GLRA2: variants seen among roughly 807,000 people sequenced by gnomAD.
GLRA2 encodes glycine receptor alpha 2.
Under a neutral mutation model 31.6 loss-of-function variants are expected in GLRA2, and 11 were observed. The ratio of observed to expected loss-of-function variants is 0.35; its 90% CI spans 0.22 to 0.58. The LOEUF (loss-of-function observed/expected upper bound fraction) is 0.58. GLRA2 is among the 20% of genes least tolerant of loss of function. The pLI is 0.84. For synonymous variants in GLRA2, 132 were observed against 134.0 expected (o/e 0.99, Z 0.10); for missense variants, 212 against 351.8 (o/e 0.60, Z 3.18).
chrX:14,493,746 C>T, the GLRA2 span, among the ~76,000 whole-genome samples: 3 of 92,485 alleles, frequency 3.2e-5, no homozygotes, highest in South Asian at 8.8e-4. Flanking sequence ...TACATATATA[C>T]GTGTATATGT....
chrX:14,535,372 A>C (rs1275370157), intron 2 of GLRA2, among the ~76,000 whole-genome samples: 1 of 112,105 alleles, frequency 8.9e-6, no homozygotes, highest in Non-Finnish European at 1.9e-5. Flanking sequence ...TGGGCTTTGA[A>C]AGATGTCATA....
intron 7 of GLRA2, among the ~76,000 whole-genome samples, chrX:14,627,291 T>C (rs192470006): frequency 9.0e-6 from 1 of 111,482 alleles, no homozygotes; most frequent in East Asian, 2.8e-4. Context: ...TTTTTATTCA[T>C]ATATTATTTA....
At chrX:14,577,785 A>G (rs1260280407) in intron 3 of GLRA2, among the ~76,000 whole-genome samples, 5 of 111,609 alleles carry the variant, frequency 4.5e-5, no homozygotes, top group Non-Finnish European at 7.5e-5. Context: ...AGAGGACACA[A>G]ACATTCAGTC....
intron 2 of GLRA2, among the ~76,000 whole-genome samples, chrX:14,549,828 T>C (rs1389109374): frequency 9.0e-6 from 1 of 111,311 alleles, no homozygotes; most frequent in Non-Finnish European, 1.9e-5. Flanking sequence ...GTAGAATAAA[T>C]ATAGAAGATG....
the GLRA2 span, among the ~76,000 whole-genome samples, chrX:14,466,438 A>G: frequency 1.8e-5 from 2 of 111,771 alleles, no homozygotes; most frequent in South Asian, 3.7e-4. Context: ...TCCTAATTCT[A>G]TAAATTGGCC....
intron 2 of GLRA2, among the ~76,000 whole-genome samples, chrX:14,559,565 C>T (rs370137840): frequency 2.8e-5 from 3 of 106,493 alleles, no homozygotes; most frequent in African/African-American, 6.9e-5. Context: ...TACAGGCGCC[C>T]GCCACCACGC....
chrX:14,515,675 C>A, the GLRA2 span, among the ~76,000 whole-genome samples: 2 of 111,672 alleles, frequency 1.8e-5, no homozygotes, highest in Non-Finnish European at 3.8e-5. Flanking sequence ...AATTATTATG[C>A]TTTTCATTTC....
At chrX:14,623,275 T>C (rs1189751072) in intron 7 of GLRA2, among the ~76,000 whole-genome samples, 1 of 111,845 alleles carries the variant, frequency 8.9e-6, no homozygotes, top group Non-Finnish European at 1.9e-5. Context: ...TTTCTATATA[T>C]ACAATCATGT....
In GLRA2 at chrX:14,678,430, T is replaced by C. The variant is rs752669796; in HGVS notation, c.931-12280T>C. Among the ~76,000 whole-genome samples, 200 of 111,661 alleles carry C rather than the reference T, an allele frequency of 1.8e-3. 1 individual carries two copies. The highest frequency in any genetic ancestry group is 6.2e-3 in the African/African-American group (190 of 30,732). ...TGTTATAATAACCAGGCATTAGGTG[T>C]TGATGGATAGGATTAAAGTGACATC... On this transcript the variant is annotated intron_variant, in intron 7 of 8. Transcript: ENST00000218075.
chrX:14,466,405 A>C, the GLRA2 span, among the ~76,000 whole-genome samples: 1 of 111,651 alleles, frequency 9.0e-6, no homozygotes, highest in Non-Finnish European at 1.9e-5. Context: ...CAGTAAACCT[A>C]ATAAAACTAA....
intron 4 of GLRA2, among the ~76,000 whole-genome samples, chrX:14,589,719 T>C (rs928060881): frequency 9.3e-6 from 1 of 107,464 alleles, no homozygotes; most frequent in African/African-American, 3.3e-5. Context: ...TACACACATA[T>C]ATGTGTGTGT....
intron 7 of GLRA2, among the ~76,000 whole-genome samples, chrX:14,686,492 G>A (rs2091279656): frequency 9.0e-6 from 1 of 111,505 alleles, no homozygotes; most frequent in South Asian, 3.8e-4. Context: ...ATGAATCTGG[G>A]TGCTCCTGTG....
At chrX:14,613,746 A>G (rs1249154320) in intron 7 of GLRA2, among the ~76,000 whole-genome samples, 1 of 110,823 alleles carries the variant, frequency 9.0e-6, no homozygotes, top group Non-Finnish European at 1.9e-5. Context: ...TTTTTTACAG[A>G]TAGTTGATTA....
At chrX:14,510,758 A>C in the GLRA2 span, among the ~76,000 whole-genome samples, 1 of 111,399 alleles carries the variant, frequency 9.0e-6, no homozygotes, top group East Asian at 2.8e-4. Context: ...TTATGGCATC[A>C]TTTTATTTTA....
chrX:14,458,816 G>T, the GLRA2 span, among the ~76,000 whole-genome samples: 1 of 111,528 alleles, frequency 9.0e-6, no homozygotes, highest in African/African-American at 3.3e-5. Context: ...CTCCCATTCT[G>T]CAGGTTGCCT....
rs149315389 is a variant in GLRA2, at chrX:14,704,462, C to A, written c.1080+13603C>A. Reference sequence around the variant, plus strand: ...CATAACTGGACTCTCATAAAAAGATCGAGCTAAATGACAGAAAAGTCTGGT... The same window carrying A: ...CATAACTGGACTCTCATAAAAAGATAGAGCTAAATGACAGAAAAGTCTGGT... On this transcript the variant is annotated intron_variant, in intron 8 of 8. Coordinates refer to ENST00000218075, the MANE Select transcript of GLRA2 (RefSeq NM_002063.4). 3.1e-3 allele frequency among the ~76,000 whole-genome samples: 353 copies of A among 112,302 alleles called. 1 individual carries two copies. Among genetic ancestry groups the A allele is most frequent in the African/African-American group, 0.01 (321 of 30,910 alleles).
At chrX:14,626,898 C>T (rs868546659) in intron 7 of GLRA2, among the ~76,000 whole-genome samples, 3 of 111,749 alleles carry the variant, frequency 2.7e-5, no homozygotes, top group Non-Finnish European at 5.7e-5. Flanking sequence ...TAATTTTATG[C>T]TTATTCAGTT....
At chrX:14,511,005 G>A in the GLRA2 span, among the ~76,000 whole-genome samples, 3 of 110,689 alleles carry the variant, frequency 2.7e-5, no homozygotes, top group African/African-American at 9.9e-5. Flanking sequence ...GTATACATGT[G>A]CCATGCTGGT....
the GLRA2 span, among the ~76,000 whole-genome samples, chrX:14,456,283 T>A: frequency 8.9e-6 from 1 of 112,073 alleles, no homozygotes; most frequent in Non-Finnish European, 1.9e-5. Flanking sequence ...GATGTTTGGA[T>A]ACATGTCATG....
Sources: allele counts gnomAD v4.1 joint callset (sites outside exome capture counted in the v4.1 genomes callset), GRCh38; gene constraint gnomAD v4.1.1; transcripts MANE v1.5; gene names NCBI Gene and HGNC (gene_info 2026-07-23, HGNC 2026-07-21).